IDO2: variants seen among roughly 807,000 people sequenced by gnomAD.
IDO2 encodes indoleamine 2,3-dioxygenase 2, also known as indoleamine 2,3-dioxygenase-like 1 protein.
A neutral mutation model predicts 45.1 loss-of-function variants in IDO2; 46 were observed. That is an observed-to-expected ratio of 1.02 (90% CI 0.80 to 1.30). IDO2 has a LOEUF of 1.30. Among genes scored for constraint, IDO2 ranks in the 50% most tolerant of loss-of-function variants. The pLI, the probability that IDO2 is intolerant of heterozygous loss-of-function variation, is 0.00. For missense variants in IDO2, 544 were observed against 491.8 expected, an observed-to-expected ratio of 1.11 and a Z score of -1.00; for synonymous variants, 218 against 184.9, an observed-to-expected ratio of 1.18 and a Z score of -1.45.
exon 1 of IDO2, chr8:39,935,189 C>A: frequency 6.2e-7 from 1 of 1,613,564 alleles, no homozygotes; most frequent in Non-Finnish European, 8.5e-7. Flanking sequence ...CACCAGGCCA[C>A]CACAAGAATG....
At chr8:39,986,651 C>G (rs1030033157) in intron 6 of IDO2, among the ~76,000 whole-genome samples, 1 of 150,916 alleles carries the variant, frequency 6.6e-6, no homozygotes, top group Non-Finnish European at 1.5e-5. Context: ...CTTCCAGATC[C>G]CATTCGATTG....
intron 6 of IDO2, 81 bp downstream of exon 6, chr8:39,985,603 G>A: frequency 2.5e-6 from 3 of 1,183,648 alleles, no homozygotes; most frequent in Non-Finnish European, 3.7e-6. Flanking sequence ...AACAAAGCAT[G>A]CTAAATTATA....
intron 2 of IDO2, among the ~76,000 whole-genome samples, chr8:39,955,234 A>G (rs1449338182): frequency 7.2e-6 from 1 of 139,196 alleles, no homozygotes; most frequent in African/African-American, 2.7e-5. Flanking sequence ...ATTAACAAAT[A>G]TTTCTTTAAT....
At chr8:39,946,711 A>C (rs1297432164) in intron 1 of IDO2, among the ~76,000 whole-genome samples, 2 of 152,078 alleles carry the variant, frequency 1.3e-5, no homozygotes, top group Non-Finnish European at 2.9e-5. Flanking sequence ...CCTGCTCTTC[A>C]TGAATTACTC....
chr8:39,982,254 G>A (rs148092754), intron 4 of IDO2, among the ~76,000 whole-genome samples: 18 of 118,894 alleles, frequency 1.5e-4, no homozygotes, highest in Non-Finnish European at 2.4e-4. Context: ...ATATATATAT[G>A]TATATATATA....
intron 1 of IDO2, 50 bp downstream of exon 1, chr8:39,935,268 A>C (rs747599425): frequency 5.0e-5 from 72 of 1,433,416 alleles, no homozygotes; most frequent in Non-Finnish European, 5.0e-5. Flanking sequence ...TAATGTAAAC[A>C]TCAAGACTGA....
chr8:39,943,597 C>A (rs1053578731), intron 1 of IDO2, among the ~76,000 whole-genome samples: 21 of 151,774 alleles, frequency 1.4e-4, no homozygotes, highest in Admixed American at 1.3e-3. Context: ...ATTAGCCGGG[C>A]GAGGTGGCTG....
chr8:40,005,235 A>G, intron 8 of IDO2, 92 bp from the exon 9 acceptor site: 1 of 717,664 alleles, frequency 1.4e-6, no homozygotes, highest in Admixed American at 2.8e-5. Flanking sequence ...TCAGATAGGG[A>G]AGGAACTCCG....
chr8:39,971,006 C>T (rs1414009277), intron 3 of IDO2, among the ~76,000 whole-genome samples: 2 of 152,068 alleles, frequency 1.3e-5, no homozygotes, highest in African/African-American at 2.4e-5. Flanking sequence ...CCTCGTGATC[C>T]ACCCCCCTTG....
At chr8:39,935,825 G>A (rs1234773941) in intron 1 of IDO2, among the ~76,000 whole-genome samples, 1 of 152,196 alleles carries the variant, frequency 6.6e-6, no homozygotes, top group Non-Finnish European at 1.5e-5. Flanking sequence ...GGCAGATTAT[G>A]AAATAGCAAT....
intron 9 of IDO2, among the ~76,000 whole-genome samples, chr8:40,005,757 G>C (rs75603374): frequency 0.027 from 4,141 of 152,148 alleles, 178 homozygotes; most frequent in African/African-American, 0.092. Flanking sequence ...GGATAGCATC[G>C]AAGCTTTCTT....
intron 1 of IDO2, among the ~76,000 whole-genome samples, chr8:39,938,739 A>C (rs992198226): frequency 7.2e-5 from 11 of 152,196 alleles, no homozygotes; most frequent in African/African-American, 2.7e-4. Flanking sequence ...AAAACTCAAA[A>C]ATAAGAAAAT....
At chr8:39,970,817 A>G (rs186707012) in intron 3 of IDO2, among the ~76,000 whole-genome samples, 2 of 130,076 alleles carry the variant, frequency 1.5e-5, no homozygotes, top group East Asian at 2.5e-4. Flanking sequence ...GCCAGGCTGG[A>G]GTGCAGTGAT....
At chr8:39,951,275 A>ATTTTTTTTTTT (rs71220803) in intron 2 of IDO2, among the ~76,000 whole-genome samples, 3 of 136,028 alleles carry the variant, frequency 2.2e-5, no homozygotes, top group Admixed American at 7.5e-5. Context: ...GGACCCCAAG[A>ATTTTTTTTTTT]TTTTTTTTTT....
intron 3 of IDO2, among the ~76,000 whole-genome samples, chr8:39,977,101 A>G (rs1488798079): frequency 6.6e-6 from 1 of 152,234 alleles, no homozygotes; most frequent in East Asian, 1.9e-4. Context: ...ACTAAAAAAA[A>G]TTTTAGAACA....
chr8:39,945,657 T>C (rs533441952), intron 1 of IDO2, among the ~76,000 whole-genome samples: 1 of 152,258 alleles, frequency 6.6e-6, no homozygotes, highest in African/African-American at 2.4e-5. Flanking sequence ...TGTCTGACAT[T>C]CCATCTAGTA....
chr8:39,982,936 C>T lies in IDO2; in HGVS notation c.434+166C>T, dbSNP rs78103174. On this transcript the variant is annotated intron_variant, in intron 5 of 10. Transcript: ENST00000502986. ...ATATCACAGGCCCCAGAAGTTTCCT[C>T]TTAATCCATTCTGAACACATTGGCT... is the stretch of plus-strand genomic sequence containing the variant. 0.016 allele frequency among the ~76,000 whole-genome samples: 2,455 copies of T among 152,284 alleles called. 271 individuals carry two copies. The East Asian group carries it at 0.31, about 19-fold the overall frequency.
chr8:39,964,982 C>G (rs955731564), intron 3 of IDO2, among the ~76,000 whole-genome samples: 1 of 152,200 alleles, frequency 6.6e-6, no homozygotes, highest in Non-Finnish European at 1.5e-5. Context: ...AAGCCTGGAA[C>G]AGTTGGCAAG....
At chr8:39,981,955 C>A (rs1408728763) in intron 4 of IDO2, among the ~76,000 whole-genome samples, 1 of 152,196 alleles carries the variant, frequency 6.6e-6, no homozygotes, top group Admixed American at 6.5e-5. Flanking sequence ...TGGTGGCTTA[C>A]TTGAAGGTAT....
Sources: allele counts gnomAD v4.1 joint callset (sites outside exome capture counted in the v4.1 genomes callset), GRCh38; gene constraint gnomAD v4.1.1; transcripts MANE v1.5; gene names NCBI Gene and HGNC (gene_info 2026-07-23, HGNC 2026-07-21).